Variants in SENP7 observed in about 807,000 individuals in gnomAD.
SENP7 encodes SUMO specific peptidase 7.
In SENP7, 64 loss-of-function variants were observed where a neutral mutation model predicts 141.2. That is an observed-to-expected ratio of 0.45 (90% CI 0.37 to 0.56). SENP7 has a LOEUF of 0.56. SENP7 is among the 20% of genes least tolerant of loss of function. The pLI is 0.00. For synonymous variants in SENP7, 382 were observed against 426.4 expected (o/e 0.90, Z 1.28); for missense variants, 1,025 against 1,212.2 (o/e 0.85, Z 2.29).
At chr3:101,357,150 C>A (rs2059765959) in intron 11 of SENP7, 1 of 173,992 alleles carries the variant, frequency 5.7e-6, no homozygotes, top group Middle Eastern at 2.5e-3. Context: ...ACAGGCATGC[C>A]CCACCATGCC....
intron 4 of SENP7, among the ~76,000 whole-genome samples, chr3:101,439,953 G>C (rs2062585682): frequency 1.1e-5 from 1 of 88,466 alleles, no homozygotes; most frequent in Non-Finnish European, 2.7e-5. Flanking sequence ...GAGGTGGGGG[G>C]GTCAGCCCTC....
At chr3:101,378,340 T>C (rs2060396922) in intron 6 of SENP7, among the ~76,000 whole-genome samples, 1 of 152,032 alleles carries the variant, frequency 6.6e-6, no homozygotes, top group African/African-American at 2.4e-5. Context: ...ATGGGCAATG[T>C]TAGCAGAGAG....
At chr3:101,364,228 A>AAGAAAAGAAAGAAAGAAAGAAAG (rs2059976647) in intron 10 of SENP7, among the ~76,000 whole-genome samples, 1 of 148,664 alleles carries the variant, frequency 6.7e-6, no homozygotes, top group African/African-American at 2.5e-5. Context: ...CCTTGTCTCA[A>AAGAAAAGAAAGAAAGAAAGAAAG]AAAGAAAGAA....
At chr3:101,502,090 C>T (rs988153068) in intron 1 of SENP7, among the ~76,000 whole-genome samples, 4 of 152,184 alleles carry the variant, frequency 2.6e-5, no homozygotes, top group Non-Finnish European at 5.9e-5. Context: ...AAAGAGGACA[C>T]AAGTAGTCCT....
At chr3:101,412,436 T>G (rs1273059830) in intron 5 of SENP7, among the ~76,000 whole-genome samples, 1 of 152,144 alleles carries the variant, frequency 6.6e-6, no homozygotes, top group African/African-American at 2.4e-5. Flanking sequence ...AGCTAAATTT[T>G]AAGTGAATAA....
intron 1 of SENP7, among the ~76,000 whole-genome samples, chr3:101,505,036 G>C (rs990160686): frequency 6.6e-6 from 1 of 151,974 alleles, no homozygotes; most frequent in Non-Finnish European, 1.5e-5. Flanking sequence ...CTGCACTCCA[G>C]TCTGGACGAC....
chr3:101,436,938 A>G (rs2062411922), intron 4 of SENP7, among the ~76,000 whole-genome samples: 1 of 152,248 alleles, frequency 6.6e-6, no homozygotes, highest in South Asian at 2.1e-4. Flanking sequence ...ATACACCAGA[A>G]AAAGGAAATC....
chr3:101,398,026 A>G (rs1223132074), intron 6 of SENP7, among the ~76,000 whole-genome samples: 1 of 152,228 alleles, frequency 6.6e-6, no homozygotes, highest in Non-Finnish European at 1.5e-5. Context: ...AACAAGCTAC[A>G]TTTGTCAATG....
At chr3:101,394,516 A>AT (rs199987414) in intron 6 of SENP7, among the ~76,000 whole-genome samples, 32,417 of 138,412 alleles carry the variant, frequency 0.23, 3,647 homozygotes, top group Non-Finnish European at 0.26. Context: ...CTTTTTAAAA[A>AT]TTTTTTTTTT....
At chr3:101,480,506 A>T (rs1156829322) in intron 3 of SENP7, among the ~76,000 whole-genome samples, 1 of 152,170 alleles carries the variant, frequency 6.6e-6, no homozygotes, top group Non-Finnish European at 1.5e-5. Flanking sequence ...TCCTCACCAT[A>T]TACAAAAATC....
At chr3:101,346,261 T>C (rs1214084138) in intron 13 of SENP7, among the ~76,000 whole-genome samples, 1 of 152,034 alleles carries the variant, frequency 6.6e-6, no homozygotes, top group Non-Finnish European at 1.5e-5. Flanking sequence ...GAAAAAATAA[T>C]AGAAGTTGGT....
At chr3:101,381,164 A>AT (rs1390525236) in intron 6 of SENP7, among the ~76,000 whole-genome samples, 3 of 152,210 alleles carry the variant, frequency 2.0e-5, no homozygotes, top group Non-Finnish European at 4.4e-5. Context: ...GGTGATGCTG[A>AT]TAATAGTCTA....
At position 101,430,187 on chromosome 3, in the gene SENP7, T is replaced by C. The variant is rs375183910; in HGVS notation, c.285-12397A>G. 9.2e-5 allele frequency among the ~76,000 whole-genome samples: 14 copies of C among 152,370 alleles called. No homozygotes were observed. The South Asian group carries it at 2.5e-3, about 27-fold the overall frequency. On this transcript the variant is annotated intron_variant, in intron 4 of 23. Transcript: ENST00000394095. The stretch of plus-strand genomic sequence containing the variant: ...TCTCTGCCAGGTTTTGGTATCAGGA[T>C]GATGCTGGCCTCATAAAATGAGTTA...
intron 11 of SENP7, among the ~76,000 whole-genome samples, chr3:101,351,904 A>G (rs929611579): frequency 3.3e-5 from 5 of 151,990 alleles, no homozygotes; most frequent in African/African-American, 1.2e-4. Context: ...TATATTTTTC[A>G]AAAATGTTTT....
chr3:101,354,883 T>G (rs1237439542), intron 11 of SENP7, among the ~76,000 whole-genome samples: 2 of 152,004 alleles, frequency 1.3e-5, no homozygotes, highest in Non-Finnish European at 2.9e-5. Flanking sequence ...TGCAACCTCG[T>G]CAGCATGTTG....
chr3:101,502,340 T>C (rs2065417642), intron 1 of SENP7, among the ~76,000 whole-genome samples: 1 of 152,246 alleles, frequency 6.6e-6, no homozygotes, highest in African/African-American at 2.4e-5. Context: ...GTTTCACTCA[T>C]TGCCCAGGCT....
At chr3:101,497,603 T>C (rs567089361) in intron 2 of SENP7, among the ~76,000 whole-genome samples, 89 of 152,238 alleles carry the variant, frequency 5.8e-4, no homozygotes, top group South Asian at 1.9e-3. Context: ...AACAAATCTG[T>C]AATGACAGTA....
chr3:101,352,650 A>G, intron 11 of SENP7, among the ~76,000 whole-genome samples: 1 of 152,100 alleles, frequency 6.6e-6, no homozygotes, highest in East Asian at 1.9e-4. Flanking sequence ...ATGAATTTGT[A>G]CCTATTTATT....
intron 12 of SENP7, among the ~76,000 whole-genome samples, chr3:101,349,997 G>A (rs946668510): frequency 9.2e-5 from 14 of 152,266 alleles, no homozygotes; most frequent in African/African-American, 2.9e-4. Context: ...AGGTTATGTC[G>A]CATGGACATC....
Sources: allele counts gnomAD v4.1 joint callset (sites outside exome capture counted in the v4.1 genomes callset), GRCh38; gene constraint gnomAD v4.1.1; transcripts MANE v1.5; gene names NCBI Gene and HGNC (gene_info 2026-07-23, HGNC 2026-07-21).